CACNA2D3: variants seen among roughly 807,000 people sequenced by gnomAD.
The protein encoded by CACNA2D3 is voltage-dependent calcium channel subunit alpha-2/delta-3.
In CACNA2D3, 60 loss-of-function variants were observed where a neutral mutation model predicts 160.6. The observed-to-expected ratio is 0.37, with a 90% CI of 0.30 to 0.46. The LOEUF (loss-of-function observed/expected upper bound fraction) is 0.46, where lower values mean the gene tolerates loss of function less well. CACNA2D3 is among the 20% of genes least tolerant of loss of function. CACNA2D3 has a pLI of 1.00. For synonymous variants in CACNA2D3, 558 were observed against 492.9 expected (o/e 1.13, Z -1.75); for missense variants, 1,205 against 1,365.0 (o/e 0.88, Z 1.85).
rs1559614174 is a variant in CACNA2D3 at position 54,879,006 on chromosome 3, T to G, written c.1711-12T>G. ...AGGGAAGAACTAACACACTTTTCTT[T>G]TATCATTTTAGTTGAGAAATGCTAT... On this transcript the variant is annotated splice_polypyrimidine_tract_variant and intron_variant, in intron 18 of 37. Transcript: ENST00000474759. The G allele has an allele frequency of 6.4e-7, 1 of 1,574,446 alleles. No homozygotes were observed. Among genetic ancestry groups the G allele is most frequent in the South Asian group, 1.2e-5 (1 of 85,440 alleles).
chr3:54,263,073 A>G (rs1434567473), intron 2 of CACNA2D3, among the ~76,000 whole-genome samples: 1 of 152,172 alleles, frequency 6.6e-6, no homozygotes, highest in African/African-American at 2.4e-5. Context: ...GTGTGTGTGT[A>G]TATACTCATA....
chr3:54,792,040 A>C (rs1287211597), intron 13 of CACNA2D3, among the ~76,000 whole-genome samples: 3 of 152,208 alleles, frequency 2.0e-5, no homozygotes, highest in Admixed American at 2.0e-4. Context: ...TTTCCAAAGA[A>C]GCCATCTGTA....
At chr3:54,858,891 TAGAA>T (rs1553890869) in intron 17 of CACNA2D3, among the ~76,000 whole-genome samples, 1 of 152,222 alleles carries the variant, frequency 6.6e-6, no homozygotes, top group Non-Finnish European at 1.5e-5. Context: ...GTTTACATTT[TAGAA>T]AGACCTTCCA....
At chr3:54,223,583 G>A (rs983816326) in intron 2 of CACNA2D3, among the ~76,000 whole-genome samples, 17 of 151,988 alleles carry the variant, frequency 1.1e-4, no homozygotes, top group African/African-American at 3.6e-4. Context: ...GGCCGGGTGC[G>A]GTAATCCTAG....
At chr3:55,015,013 A>T (rs1000852616) in intron 34 of CACNA2D3, among the ~76,000 whole-genome samples, 1 of 152,204 alleles carries the variant, frequency 6.6e-6, no homozygotes, top group Non-Finnish European at 1.5e-5. Context: ...GGAGTGCCCT[A>T]CAATTGTCAA....
At chr3:54,562,774 CCTCT>C in intron 5 of CACNA2D3, 22 bp from the exon 6 acceptor site, 4 of 1,572,146 alleles carry the variant, frequency 2.5e-6, no homozygotes, top group Admixed American at 1.7e-5. Context: ...CTAATACACC[CCTCT>C]CTCTCTCTTT....
At chr3:54,664,319 C>G (rs1440381783) in intron 11 of CACNA2D3, among the ~76,000 whole-genome samples, 1 of 152,222 alleles carries the variant, frequency 6.6e-6, no homozygotes, top group Non-Finnish European at 1.5e-5. Context: ...TCCCCAAGGT[C>G]TCCTTGTATC....
chr3:54,386,336 G>T (rs1185456027), intron 3 of CACNA2D3, among the ~76,000 whole-genome samples: 1 of 152,126 alleles, frequency 6.6e-6, no homozygotes, highest in Non-Finnish European at 1.5e-5. Flanking sequence ...CTTAAAGTTG[G>T]ACTCAATTCA....
intron 3 of CACNA2D3, among the ~76,000 whole-genome samples, chr3:54,379,942 T>C (rs1375522): frequency 0.36 from 54,513 of 151,980 alleles, 9,942 homozygotes; most frequent in Admixed American, 0.42. Flanking sequence ...ACCTCTCCGA[T>C]ACTTTGGGAA....
intron 29 of CACNA2D3, among the ~76,000 whole-genome samples, chr3:54,982,703 C>G (rs1369654186): frequency 4.0e-5 from 6 of 151,030 alleles, no homozygotes; most frequent in Middle Eastern, 3.2e-3. Context: ...GCTGGTTGCC[C>G]ATTTTTATGT....
chr3:54,923,583 A>C (rs1231762142), intron 27 of CACNA2D3, among the ~76,000 whole-genome samples: 1 of 152,222 alleles, frequency 6.6e-6, no homozygotes. Context: ...ATCTGTTTCT[A>C]CTACCAGAAT....
At chr3:54,748,504 G>A (rs1701798481) in intron 11 of CACNA2D3, among the ~76,000 whole-genome samples, 1 of 151,856 alleles carries the variant, frequency 6.6e-6, no homozygotes, top group South Asian at 2.1e-4. Flanking sequence ...AATTGGGTTT[G>A]TAGAACATTT....
At chr3:54,682,161 G>GCACACACA (rs138753206) in intron 11 of CACNA2D3, among the ~76,000 whole-genome samples, 261 of 144,774 alleles carry the variant, frequency 1.8e-3, no homozygotes, top group African/African-American at 3.8e-3. Flanking sequence ...AAACAGAACA[G>GCACACACA]CACACACACA....
intron 18 of CACNA2D3, among the ~76,000 whole-genome samples, chr3:54,878,459 C>T (rs1268118099): frequency 6.6e-6 from 1 of 152,120 alleles, no homozygotes; most frequent in Non-Finnish European, 1.5e-5. Context: ...TACAGGGTCG[C>T]TCCTGTTCAC....
chr3:54,229,888 A>G lies in CACNA2D3; in HGVS notation c.205-90554A>G, dbSNP rs371809460. Among the ~76,000 whole-genome samples, 9 of 152,306 alleles carry G rather than the reference A, an allele frequency of 5.9e-5. No individual in the cohort carries two copies. The East Asian group carries it at 1.4e-3, about 23-fold the overall frequency. On this transcript the variant is annotated intron_variant, in intron 2 of 37. Coordinates refer to ENST00000474759, the MANE Select transcript of CACNA2D3 (RefSeq NM_018398.3). The stretch of plus-strand genomic sequence containing the variant: ...GAAATTGTAATATTTGGACACCTGC[A>G]GGTTACAGAGGGCTTCCTTCCCTTC...
At chr3:54,767,689 G>A (rs561386202) in intron 13 of CACNA2D3, among the ~76,000 whole-genome samples, 5 of 152,078 alleles carry the variant, frequency 3.3e-5, no homozygotes, top group African/African-American at 9.6e-5. Flanking sequence ...TAATAATGAT[G>A]ATGACAATAA....
At chr3:54,741,208 C>T (rs1196425008) in intron 11 of CACNA2D3, among the ~76,000 whole-genome samples, 2 of 152,156 alleles carry the variant, frequency 1.3e-5, no homozygotes, top group Non-Finnish European at 2.9e-5. Flanking sequence ...TAGAGGGACA[C>T]ACCCAGGTCA....
chr3:54,303,819 T>TTTTTTGTTG, intron 2 of CACNA2D3, among the ~76,000 whole-genome samples: 1 of 15,724 alleles, frequency 6.4e-5, no homozygotes, highest in East Asian at 3.3e-3. Flanking sequence ...TTTTTTTCTG[T>TTTTTTGTTG]TTTTTTTTTT....
chr3:54,418,287 C>T (rs1049535971), intron 4 of CACNA2D3, among the ~76,000 whole-genome samples: 7 of 152,146 alleles, frequency 4.6e-5, no homozygotes, highest in Admixed American at 4.6e-4. Flanking sequence ...CATAATCTAT[C>T]CTTCTTCCTC....
Sources: allele counts gnomAD v4.1 joint callset (sites outside exome capture counted in the v4.1 genomes callset), GRCh38; gene constraint gnomAD v4.1.1; transcripts MANE v1.5; gene names NCBI Gene and HGNC (gene_info 2026-07-23, HGNC 2026-07-21).